Variants in KDM5A observed in about 807,000 individuals in gnomAD.
KDM5A encodes the protein lysine demethylase 5A, also known as lysine-specific demethylase 5A.
KDM5A carries 42 observed loss-of-function variants against 193.5 expected under a neutral mutation model. The ratio of observed to expected loss-of-function variants is 0.22; its 90% CI spans 0.17 to 0.28. KDM5A has a LOEUF of 0.28. Ranked by LOEUF, KDM5A falls within the 10% of genes least tolerant of loss-of-function variation. KDM5A has a pLI of 1.00. For missense variants in KDM5A, 1,692 were observed against 2,055.1 expected, an observed-to-expected ratio of 0.82 and a Z score of 3.42; for synonymous variants, 796 against 718.1, an observed-to-expected ratio of 1.11 and a Z score of -1.73.
chr12:293,398 C>CTGTCAA (rs1178408362), intron 26 of KDM5A, among the ~76,000 whole-genome samples: 1 of 152,146 alleles, frequency 6.6e-6, no homozygotes, highest in Non-Finnish European at 1.5e-5. Flanking sequence ...TTGCGTAACA[C>CTGTCAA]TGTCAATCTA....
rs764303398 is a variant in KDM5A, at chr12:307,030, A to T, written c.3990T>A (p.Ser1330=). 1.3e-5 allele frequency: 21 copies of T among 1,614,038 alleles called. No homozygotes were observed. The highest frequency in any genetic ancestry group is 5.0e-5 in the Admixed American group (3 of 60,010). Residue 1330 remains serine, a synonymous_variant, in exon 24 of 28, where the codon TCT becomes TCA. Transcript: ENST00000399788. The surrounding 1 kb of genome is among the most constrained non-coding windows in gnomAD (Gnocchi z 4.3). ...AFNRVVSSVS[S]SPRQTMDYDD... ...CATAGTCCATTGTTTGTCGAGGAGA[A>T]GATGACACACTGCTCACCACCCGGT... is the stretch of plus-strand genomic sequence containing the variant.
intron 24 of KDM5A, 141 bp from the exon 25 acceptor site, chr12:297,341 A>C: frequency 1.3e-6 from 1 of 775,808 alleles, no homozygotes; most frequent in Non-Finnish European, 2.1e-6. Flanking sequence ...GATGTTAAAT[A>C]AGATAGAAAA....
intron 24 of KDM5A, among the ~76,000 whole-genome samples, chr12:305,796 C>T (rs1045696581): frequency 2.6e-5 from 4 of 152,096 alleles, no homozygotes; most frequent in African/African-American, 9.7e-5. Context: ...CCACCAGTAA[C>T]GTGTCATTAC....
At position 354,116 on chromosome 12, in the gene KDM5A, A is replaced by C; in HGVS notation, c.989T>G (p.Val330Gly). The stretch of plus-strand genomic sequence containing the variant: ...AGGACACCTCCAGTCTCCTTTGGGC[A>C]CATCAGGTAGTGGAGGAATTAGACA... ...TFCLIPPLPD[V>G]PKGDWRCPKC... The change falls in exon 8 of 28, where the codon GTG becomes GGG. Residue 330 changes from valine (V) to glycine (G), a missense_variant. By Grantham distance (109) the Val-to-Gly change is moderately radical. This residue lies in a region of KDM5A where 62 missense variants were observed against 107.1 expected (regional missense o/e 0.58). Transcript: ENST00000399788. 6.2e-7 allele frequency: 1 copy of C among 1,613,906 alleles called. No individual in the cohort carries two copies. Among genetic ancestry groups the C allele is most frequent in the Non-Finnish European group, 8.5e-7 (1 of 1,179,806 alleles).
At chr12:296,978 C>A in intron 25 of KDM5A, 63 bp downstream of exon 25, 1 of 1,527,180 alleles carries the variant, frequency 6.5e-7, no homozygotes, top group Non-Finnish European at 9.0e-7. Context: ...TCTTGATTAA[C>A]ATAATGCTTT....
chr12:359,758 T>TG (rs1295145698), intron 5 of KDM5A, among the ~76,000 whole-genome samples: 4 of 39,248 alleles, frequency 1.0e-4, no homozygotes, highest in South Asian at 1.1e-3. Flanking sequence ...AAAAAAAGGG[T>TG]GGGGGGGAGT....
At chr12:338,475 G>A (rs1475702823) in intron 10 of KDM5A, among the ~76,000 whole-genome samples, 3 of 152,100 alleles carry the variant, frequency 2.0e-5, no homozygotes, top group Non-Finnish European at 2.9e-5. Context: ...GAATACCCTG[G>A]GAAGCCTGTG....
chr12:284,615 G>C lies in KDM5A; in HGVS notation c.*841C>G, dbSNP rs1005377853. Reference sequence around the variant, plus strand: ...TGTGGCTCAGTAAGATAGTACGACTGGTCATCATCGTCATCTTCTTCTCTT... The same window carrying C: ...TGTGGCTCAGTAAGATAGTACGACTCGTCATCATCGTCATCTTCTTCTCTT... On this transcript the variant is annotated 3_prime_UTR_variant, in exon 28 of 28. Coordinates refer to ENST00000399788, the MANE Select transcript of KDM5A (RefSeq NM_001042603.3). 1.3e-5 allele frequency: 3 copies of C among 232,942 alleles called. No individual in the cohort carries two copies. Among genetic ancestry groups the C allele is most frequent in the African/African-American group, 6.6e-5 (3 of 45,242 alleles). The allele number at this position is 232,942 out of a possible 1,614,324, so 14.4% of individuals were successfully genotyped here.
At chr12:371,094 A>G (rs1326305281) in intron 3 of KDM5A, among the ~76,000 whole-genome samples, 9 of 152,178 alleles carry the variant, frequency 5.9e-5, no homozygotes, top group Non-Finnish European at 1.0e-4. Context: ...ATGTGTCTTT[A>G]TAACAGCATG....
chr12:287,041 T>C (rs1048674790), intron 27 of KDM5A, among the ~76,000 whole-genome samples: 2 of 152,096 alleles, frequency 1.3e-5, no homozygotes, highest in African/African-American at 4.8e-5. Flanking sequence ...AATGAAATAA[T>C]GTATGGCAAA....
chr12:285,297 A>G lies in KDM5A; in HGVS notation c.*159T>C. 1 of 646,982 alleles carries G rather than the reference A, an allele frequency of 1.5e-6. No individual in the cohort carries two copies. The highest frequency in any genetic ancestry group is 2.8e-6 in the Non-Finnish European group (1 of 361,048). 40.1% of individuals were successfully genotyped at this position (646,982 alleles called of 1,614,324 possible). ...TATGTTGATAGAGAATGTAACCCACAGAGTCCATGCAAAGAGGAAGCCAGC... is the reference window on the plus strand; with the variant it reads ...TATGTTGATAGAGAATGTAACCCACGGAGTCCATGCAAAGAGGAAGCCAGC... On this transcript the variant is annotated 3_prime_UTR_variant, in exon 28 of 28. Transcript: ENST00000399788.
At chr12:383,407 G>C (rs1363980108) in intron 3 of KDM5A, among the ~76,000 whole-genome samples, 3 of 151,858 alleles carry the variant, frequency 2.0e-5, no homozygotes, top group Non-Finnish European at 4.4e-5. Context: ...AGTAGACATA[G>C]GGTTTCACCA....
intron 13 of KDM5A, among the ~76,000 whole-genome samples, chr12:330,298 T>C (rs1397890978): frequency 1.3e-5 from 2 of 152,150 alleles, no homozygotes; most frequent in Non-Finnish European, 2.9e-5. Context: ...TTGTAACTTA[T>C]AAACATTAGT....
intron 26 of KDM5A, among the ~76,000 whole-genome samples, chr12:295,062 G>A (rs999160931): frequency 6.6e-6 from 1 of 152,020 alleles, no homozygotes; most frequent in Non-Finnish European, 1.5e-5. Flanking sequence ...CCCTATCTCT[G>A]AGCCCTCCAA....
Position 321,036 on chromosome 12 carries a change from A to C in KDM5A, c.2500T>G (p.Phe834Val). ...TGGCTGATGACACACGGAAGACTAA[A>C]AAGTTGTTGGACAAAGGCCTTCAAT... is the stretch of plus-strand genomic sequence containing the variant. The part of the protein sequence containing the change: ...EELKAFVQQL[F>V]SLPCVISQAR... Residue 834 changes from phenylalanine (F) to valine (V), a missense_variant, in exon 18 of 28, where the codon TTT becomes GTT. Phe to Val is a conservative substitution (Grantham distance 50). This residue lies in a region of KDM5A where 965 missense variants were observed against 1,061.0 expected (regional missense o/e 0.91). Coordinates refer to ENST00000399788, the MANE Select transcript of KDM5A (RefSeq NM_001042603.3). 1 of 1,614,180 alleles carries C rather than the reference A, an allele frequency of 6.2e-7. No individual in the cohort carries two copies. Among genetic ancestry groups the C allele is most frequent in the Non-Finnish European group, 8.5e-7 (1 of 1,179,996 alleles).
At chr12:365,150 T>A (rs1944341279) in intron 4 of KDM5A, among the ~76,000 whole-genome samples, 1 of 152,142 alleles carries the variant, frequency 6.6e-6, no homozygotes. Flanking sequence ...TCTCCCAGGC[T>A]GAAGCAATCA....
chr12:379,225 T>C (rs896782821), intron 3 of KDM5A, among the ~76,000 whole-genome samples: 1 of 152,158 alleles, frequency 6.6e-6, no homozygotes. Context: ...AAATAATCTT[T>C]TTTTTAAAAA....
intron 3 of KDM5A, among the ~76,000 whole-genome samples, chr12:378,658 A>G (rs530503456): frequency 2.2e-4 from 34 of 152,334 alleles, no homozygotes; most frequent in African/African-American, 7.5e-4. Flanking sequence ...TGAAGTGGTT[A>G]TAAAAACTGT....
At chr12:332,983 C>A in intron 12 of KDM5A, 1 of 169,926 alleles carries the variant, frequency 5.9e-6, no homozygotes, top group Non-Finnish European at 1.3e-5. Flanking sequence ...CATACTTTAA[C>A]ACTCCCCTTC....
Sources: gnomAD v4.1 joint callset for allele counts (sites outside exome capture counted in the v4.1 genomes callset) on GRCh38, gnomAD v4.1.1 for gene constraint, gnomAD v4.1.1 regional missense constraint, Gnocchi (gnomAD v3.1) non-coding constraint, MANE v1.5 for transcripts, NCBI Gene and HGNC (gene_info 2026-07-23, HGNC 2026-07-21) for gene names.